Variants in LDHAL6A observed in about 807,000 individuals in gnomAD.
LDHAL6A encodes L-lactate dehydrogenase A-like 6A.
LDHAL6A carries 19 observed loss-of-function variants against 28.2 expected under a neutral mutation model. That is an observed-to-expected ratio of 0.67 (90% CI 0.47 to 0.99). The LOEUF is 0.99. Ranked by LOEUF, LDHAL6A falls within the 50% of genes least tolerant of loss-of-function variation. LDHAL6A has a pLI of 0.00. For synonymous variants in LDHAL6A, 144 were observed against 134.4 expected (o/e 1.07, Z -0.49); for missense variants, 372 against 398.6 (o/e 0.93, Z 0.57).
chr11:18,479,521 A>G lies in LDHAL6A; in HGVS notation c.*651A>G, dbSNP rs529789180. On this transcript the variant is annotated 3_prime_UTR_variant, in exon 7 of 7. Transcript: ENST00000280706. ...CATTTACATGCTATCTCTACAATGT[A>G]AAAATAAAAGTGTATATATATACAC... 1 of 151,736 alleles carries G rather than the reference A, an allele frequency of 6.6e-6. No homozygotes were observed. Among genetic ancestry groups the G allele is most frequent in the South Asian group, 2.1e-4 (1 of 4,772 alleles). The allele number at this position is 151,736 out of a possible 1,614,324, so 9.4% of individuals were successfully genotyped here.
At chr11:18,458,654 A>G (rs56311904) in intron 1 of LDHAL6A, among the ~76,000 whole-genome samples, 14,946 of 152,264 alleles carry the variant, frequency 0.098, 833 homozygotes, top group Admixed American at 0.14. Flanking sequence ...GGAATTCTCA[A>G]TATGAATTGT....
intron 3 of LDHAL6A, among the ~76,000 whole-genome samples, chr11:18,466,676 T>C (rs906950157): frequency 7.2e-6 from 1 of 138,612 alleles, no homozygotes; most frequent in Non-Finnish European, 1.6e-5. Context: ...AAAAAAGTAG[T>C]GTGTATGGGA....
At chr11:18,475,830 AT>A (rs1313405360) in intron 4 of LDHAL6A, 191 bp downstream of exon 4, 4 of 507,082 alleles carry the variant, frequency 7.9e-6, no homozygotes, top group Non-Finnish European at 1.4e-5. Context: ...AAAATGTGAG[AT>A]TGATACTATA....
chr11:18,474,148 C>T (rs773479557), intron 3 of LDHAL6A, among the ~76,000 whole-genome samples: 2 of 151,878 alleles, frequency 1.3e-5, no homozygotes, highest in Non-Finnish European at 2.9e-5. Context: ...GGTGTGATCT[C>T]GGCTCACTGC....
At chr11:18,466,900 T>C (rs779591077) in intron 3 of LDHAL6A, among the ~76,000 whole-genome samples, 46 of 152,130 alleles carry the variant, frequency 3.0e-4, no homozygotes, top group Non-Finnish European at 1.5e-4. Context: ...AGATTATGTC[T>C]AGTGAGAGAA....
At chr11:18,477,789 G>T (rs1185576567) in intron 6 of LDHAL6A, 46 bp downstream of exon 6, 5 of 1,549,730 alleles carry the variant, frequency 3.2e-6, no homozygotes, top group Non-Finnish European at 4.4e-6. Context: ...CATAAAATAG[G>T]GGGGTAAAGA....
intron 1 of LDHAL6A, among the ~76,000 whole-genome samples, chr11:18,462,510 G>A (rs112440422): frequency 0.035 from 5,361 of 151,876 alleles, 341 homozygotes; most frequent in African/African-American, 0.12. Flanking sequence ...GGTGGCGGGC[G>A]CCTGTAGTCC....
chr11:18,474,542 A>G (rs999819020), intron 3 of LDHAL6A, among the ~76,000 whole-genome samples: 14 of 151,932 alleles, frequency 9.2e-5, no homozygotes, highest in Admixed American at 3.9e-4. Context: ...GCGCACCACC[A>G]TGCCTGGCTA....
In LDHAL6A at chr11:18,478,773, C is replaced by A; in HGVS notation, c.902C>A (p.Thr301Lys). 1 of 1,613,110 alleles carries A rather than the reference C, an allele frequency of 6.2e-7. No individual in the cohort carries two copies. Among genetic ancestry groups the A allele is most frequent in the South Asian group, 1.1e-5 (1 of 91,058 alleles). Residue 301 changes from threonine (T) to lysine (K), a missense_variant, in exon 7 of 7, where the codon ACA (threonine) becomes AAA (lysine). By Grantham distance (78) the Thr-to-Lys change is moderately conservative (BLOSUM62 -1). Around this residue, in one of 3 missense-constraint regions of LDHAL6A, gnomAD observed 291 missense variants for 302.9 expected, o/e 0.96. Transcript: ENST00000280706. Reference sequence around the variant, plus strand: ...TGTATCCTGGGAGAGAATGGTATCACAGACCTCATAAAAGTAAAACTGACT... The same window carrying A: ...TGTATCCTGGGAGAGAATGGTATCAAAGACCTCATAAAAGTAAAACTGACT... The part of the protein sequence containing the change: ...VPCILGENGI[T>K]DLIKVKLTLE...
At chr11:18,474,345 G>A (rs999786378) in intron 3 of LDHAL6A, among the ~76,000 whole-genome samples, 1 of 151,846 alleles carries the variant, frequency 6.6e-6, no homozygotes, top group Non-Finnish European at 1.5e-5. Flanking sequence ...CCAAAATGCT[G>A]GGATTACAGG....
intron 1 of LDHAL6A, among the ~76,000 whole-genome samples, 193 bp downstream of exon 1, chr11:18,456,999 T>C (rs762620879): frequency 9.9e-5 from 15 of 152,194 alleles, no homozygotes; most frequent in Non-Finnish European, 1.9e-4. Flanking sequence ...GATGATATCA[T>C]GTGGGTTAGA....
chr11:18,458,224 C>T (rs1848807225), intron 1 of LDHAL6A, among the ~76,000 whole-genome samples: 1 of 152,072 alleles, frequency 6.6e-6, no homozygotes, highest in Admixed American at 6.6e-5. Flanking sequence ...ATGGGAGGTC[C>T]TAGATAGATC....
At chr11:18,472,512 T>G (rs1849277915) in intron 3 of LDHAL6A, among the ~76,000 whole-genome samples, 1 of 152,186 alleles carries the variant, frequency 6.6e-6, no homozygotes, top group Non-Finnish European at 1.5e-5. Flanking sequence ...ATTTCTACTA[T>G]TTGAGTACTT....
At position 18,477,626 on chromosome 11, in the gene LDHAL6A, T is replaced by A; in HGVS notation, c.717T>A (p.Tyr239Ter). ...NVHKKVISSGYEMVKMKGYTS... is the reference protein window; with the variant it reads ...NVHKKVISSG ...TGGTTTCTTCTATCTACAGTGGCTA[T>A]GAGATGGTCAAAATGAAAGGTTATA... The change falls in exon 6 of 7, where the codon TAT becomes TAA. Residue 239 changes from tyrosine (Y) to a stop codon, truncating the protein, a stop_gained. Coordinates refer to ENST00000280706, the MANE Select transcript of LDHAL6A (RefSeq NM_144972.5). LOFTEE classifies it high-confidence loss of function. The A allele has an allele frequency of 1.2e-6, 2 of 1,605,846 alleles. No homozygotes were observed. Among genetic ancestry groups the A allele is most frequent in the Non-Finnish European group, 1.7e-6 (2 of 1,176,622 alleles).
intron 1 of LDHAL6A, among the ~76,000 whole-genome samples, chr11:18,461,096 C>A (rs1243287290): frequency 2.0e-5 from 3 of 151,918 alleles, no homozygotes; most frequent in Non-Finnish European, 4.4e-5. Context: ...CCTTGGCCTC[C>A]CAAAGTGCTG....
At chr11:18,476,234 T>A in intron 4 of LDHAL6A, 150 bp from the exon 5 acceptor site, 1 of 809,478 alleles carries the variant, frequency 1.2e-6, no homozygotes, top group Admixed American at 2.9e-5. Flanking sequence ...TGTGGAGATC[T>A]AGATTTAGAA....
Position 18,473,509 on chromosome 11 carries a change from C to G in LDHAL6A, c.419-1957C>G, listed in dbSNP as rs547160284. Among the ~76,000 whole-genome samples, 5 of 152,328 alleles carry G rather than the reference C, an allele frequency of 3.3e-5. No individual in the cohort carries two copies. The South Asian group carries it at 1.0e-3, about 32-fold the overall frequency. On this transcript the variant is annotated intron_variant, in intron 3 of 6. Transcript: ENST00000280706. ...CTTGAACCCCTGGGCTCAAGTGATC[C>G]TGTCTCAGCCTCCCAAGTATCTGGG... is the stretch of plus-strand genomic sequence containing the variant.
In LDHAL6A at chr11:18,465,426, GTTTTTTT is replaced by G. The variant is rs5790038; in HGVS notation, c.245-200_245-194del. 8.6e-5 allele frequency among the ~76,000 whole-genome samples: 12 copies of G among 139,988 alleles called. No homozygotes were observed. In the East Asian group the frequency reaches 1.7e-3, roughly 20 times the overall value. The allele number at this position is 139,988 out of a possible 152,430, so 91.8% of individuals were successfully genotyped here. On this transcript the variant is annotated intron_variant, in intron 2 of 6. Coordinates refer to ENST00000280706, the MANE Select transcript of LDHAL6A (RefSeq NM_144972.5). ...GGGTGAGCCACTGCACATGACTTAC[GTTTTTTT>G]TTTTTTTTTTATTATTAAAAAAAAT... is the stretch of plus-strand genomic sequence containing the variant.
rs115078196 is a variant in LDHAL6A at position 18,478,606 on chromosome 11, C to T, written c.835-100C>T. 705 of 924,030 alleles carry T rather than the reference C, an allele frequency of 7.6e-4. 5 individuals carry two copies. The African/African-American group carries it at 0.011, about 14-fold the overall frequency. 57.2% of individuals were successfully genotyped at this position (924,030 alleles called of 1,614,324 possible). The stretch of plus-strand genomic sequence containing the variant: ...TCTGCCTTGGTACTCTGCCATAGTT[C>T]GTACTATACCAATCTGTTATTCATT... On this transcript the variant is annotated intron_variant, in intron 6 of 6. Transcript: ENST00000280706.
Sources: allele counts gnomAD v4.1 joint callset (sites outside exome capture counted in the v4.1 genomes callset), GRCh38; gene constraint gnomAD v4.1.1; regional missense constraint gnomAD v4.1.1; transcripts MANE v1.5; gene names NCBI Gene and HGNC (gene_info 2026-07-23, HGNC 2026-07-21).